TMEM117: variants seen among roughly 807,000 people sequenced by gnomAD.
The protein encoded by TMEM117 is transmembrane protein 117.
A neutral mutation model predicts 52.4 loss-of-function variants in TMEM117; 27 were observed. The ratio of observed to expected loss-of-function variants is 0.51; its 90% CI spans 0.38 to 0.71. TMEM117 has a LOEUF of 0.71. TMEM117 is among the 30% of genes least tolerant of loss of function. TMEM117 has a pLI of 0.00. For synonymous variants in TMEM117, 215 were observed against 206.3 expected, an observed-to-expected ratio of 1.04 and a Z score of -0.36; for missense variants, 556 against 630.5, an observed-to-expected ratio of 0.88 and a Z score of 1.26.
chr12:44,124,211 T>C (rs942010714), intron 3 of TMEM117, among the ~76,000 whole-genome samples: 1 of 152,184 alleles, frequency 6.6e-6, no homozygotes, highest in African/African-American at 2.4e-5. Context: ...ACTACCATGT[T>C]GGTGGTGTAC....
chr12:44,004,163 G>A lies in TMEM117; in HGVS notation c.410+59821G>A, dbSNP rs186746920. Among the ~76,000 whole-genome samples, 978 of 152,234 alleles carry A rather than the reference G, an allele frequency of 6.4e-3. 5 individuals are homozygous for A. The highest frequency in any genetic ancestry group is 0.011 in the Non-Finnish European group (753 of 68,006). ...AAATAGAACCATGTTTCCTGCTCTCGAACCCTGCTGGTAATGATGCCAGTG... is the reference window on the plus strand; with the variant it reads ...AAATAGAACCATGTTTCCTGCTCTCAAACCCTGCTGGTAATGATGCCAGTG... On this transcript the variant is annotated intron_variant, in intron 3 of 7. Coordinates refer to ENST00000266534, the MANE Select transcript of TMEM117 (RefSeq NM_032256.3).
At chr12:43,897,896 A>G (rs1287202798) in intron 2 of TMEM117, among the ~76,000 whole-genome samples, 1 of 152,164 alleles carries the variant, frequency 6.6e-6, no homozygotes, top group Non-Finnish European at 1.5e-5. Context: ...TACAGGCATG[A>G]GCCATTGTGC....
intron 4 of TMEM117, among the ~76,000 whole-genome samples, chr12:44,204,408 G>T (rs1949537046): frequency 6.6e-6 from 1 of 152,228 alleles, no homozygotes; most frequent in East Asian, 1.9e-4. Context: ...ACTTTTGAAA[G>T]AAATCAGAGA....
At chr12:44,016,164 T>C (rs1413403324) in intron 3 of TMEM117, among the ~76,000 whole-genome samples, 1 of 152,198 alleles carries the variant, frequency 6.6e-6, no homozygotes, top group Non-Finnish European at 1.5e-5. Flanking sequence ...CTGGCTGCTT[T>C]GTTCTTATGT....
chr12:43,870,983 C>T (rs1592322219), intron 2 of TMEM117, among the ~76,000 whole-genome samples: 1 of 152,222 alleles, frequency 6.6e-6, no homozygotes, highest in East Asian at 1.9e-4. Flanking sequence ...CAGGGTTTCA[C>T]CATGTTGGCC....
intron 3 of TMEM117, among the ~76,000 whole-genome samples, chr12:44,019,060 G>T (rs1385158187): frequency 6.6e-6 from 1 of 152,166 alleles, no homozygotes; most frequent in African/African-American, 2.4e-5. Context: ...TAAGTCAGTG[G>T]TTCTCAGCTC....
chr12:43,882,436 G>T lies in TMEM117; in HGVS notation c.277+37508G>T, dbSNP rs1324388151. On this transcript the variant is annotated intron_variant, in intron 2 of 7. Coordinates refer to ENST00000266534, the MANE Select transcript of TMEM117 (RefSeq NM_032256.3). The stretch of plus-strand genomic sequence containing the variant: ...GATCACACCATTGCACTCCAGCTTT[G>T]GGGACAAGAGTGAAACTTCATCTCA... Among the ~76,000 whole-genome samples the T allele has an allele frequency of 4.1e-5, 6 of 148,004 alleles. No individual in the cohort carries two copies. The Admixed American group carries it at 4.1e-4, about 10-fold the overall frequency.
chr12:44,133,397 G>A (rs1169610874), intron 3 of TMEM117, among the ~76,000 whole-genome samples: 1 of 152,152 alleles, frequency 6.6e-6, no homozygotes, highest in African/African-American at 2.4e-5. Flanking sequence ...ACAGCGCAAA[G>A]GAAACTCTCA....
intron 3 of TMEM117, chr12:44,009,174 T>G (rs1946249760): frequency 3.7e-6 from 1 of 271,304 alleles, no homozygotes; most frequent in Admixed American, 5.7e-5. Context: ...TTCTGTACCT[T>G]GTGTATATCA....
At chr12:43,854,534 A>G (rs771124142) in intron 2 of TMEM117, among the ~76,000 whole-genome samples, 7 of 152,238 alleles carry the variant, frequency 4.6e-5, no homozygotes, top group African/African-American at 9.6e-5. Context: ...TCATGAGCAC[A>G]TAAGTGATGG....
intron 5 of TMEM117, among the ~76,000 whole-genome samples, chr12:44,227,482 C>T (rs1204404301): frequency 6.6e-6 from 1 of 152,084 alleles, no homozygotes; most frequent in Non-Finnish European, 1.5e-5. Context: ...TAGTCTATTA[C>T]ACTTACAAAA....
chr12:44,102,078 A>G (rs1947870584), intron 3 of TMEM117, among the ~76,000 whole-genome samples: 1 of 152,052 alleles, frequency 6.6e-6, no homozygotes. Flanking sequence ...AAGTTTAAAA[A>G]TTAGAATAAT....
intron 5 of TMEM117, among the ~76,000 whole-genome samples, chr12:44,240,620 A>C (rs1950049852): frequency 1.3e-5 from 2 of 152,086 alleles, no homozygotes; most frequent in South Asian, 4.1e-4. Context: ...ATTTATAGAC[A>C]TATGTTTATG....
intron 6 of TMEM117, among the ~76,000 whole-genome samples, chr12:44,307,019 G>C (rs1400583511): frequency 6.6e-6 from 1 of 152,206 alleles, no homozygotes; most frequent in African/African-American, 2.4e-5. Context: ...CCATGTAACA[G>C]ATTTGAAGTG....
intron 6 of TMEM117, among the ~76,000 whole-genome samples, chr12:44,364,204 A>C (rs1565759389): frequency 1.3e-5 from 2 of 152,160 alleles, no homozygotes; most frequent in Admixed American, 6.6e-5. Flanking sequence ...TTTTATGTTT[A>C]GTTTTTACGA....
downstream of TMEM117, among the ~76,000 whole-genome samples, chr12:44,390,463 G>A (rs899234415): frequency 4.6e-5 from 7 of 151,902 alleles, no homozygotes; most frequent in Non-Finnish European, 5.9e-5. Flanking sequence ...GAAAGTAGAC[G>A]TTTATTATCA....
rs530541329 is a variant in TMEM117, at chr12:44,322,633, A to C, written c.768+22894A>C. Among the ~76,000 whole-genome samples the C allele has an allele frequency of 4.6e-5, 7 of 152,276 alleles. No individual in the cohort carries two copies. The South Asian group carries it at 1.5e-3, about 32-fold the overall frequency. On this transcript the variant is annotated intron_variant, in intron 6 of 7. Transcript: ENST00000266534. The stretch of plus-strand genomic sequence containing the variant: ...GAACGTCTTTGAGATATGGTTTAAA[A>C]CTATGCTATAAAAAGGAACTTGCAA...
chr12:44,026,358 G>T (rs1946533214), intron 3 of TMEM117, among the ~76,000 whole-genome samples: 1 of 152,022 alleles, frequency 6.6e-6, no homozygotes, highest in Non-Finnish European at 1.5e-5. Flanking sequence ...AAAAACCTGG[G>T]GACCCACTTC....
chr12:44,238,448 T>C (rs1950024093), intron 5 of TMEM117, among the ~76,000 whole-genome samples: 1 of 152,064 alleles, frequency 6.6e-6, no homozygotes, highest in Admixed American at 6.6e-5. Flanking sequence ...CGAGGGATTT[T>C]ATACATATAT....
Sources: allele counts gnomAD v4.1 joint callset (sites outside exome capture counted in the v4.1 genomes callset), GRCh38; gene constraint gnomAD v4.1.1; transcripts MANE v1.5; gene names NCBI Gene and HGNC (gene_info 2026-07-23, HGNC 2026-07-21).